Variants in LEF1 observed in about 807,000 individuals in gnomAD.
LEF1 encodes lymphoid enhancer binding factor 1, also known as lymphoid enhancer-binding factor 1.
Under a neutral mutation model 51.2 loss-of-function variants are expected in LEF1, and 14 were observed. The ratio of observed to expected loss-of-function variants is 0.27; its 90% CI spans 0.18 to 0.43. The LOEUF (loss-of-function observed/expected upper bound fraction) is 0.43, where lower values mean the gene tolerates loss of function less well. Among genes scored for constraint, LEF1 ranks in the 20% least tolerant of loss-of-function variants. LEF1 has a pLI of 1.00. For synonymous variants in LEF1, 185 were observed against 183.2 expected (o/e 1.01, Z -0.08); for missense variants, 386 against 512.0 (o/e 0.75, Z 2.37).
rs1737618382 is a variant in LEF1 at position 108,060,634 on chromosome 4, G to T, written c.*6+2989C>A. On this transcript the variant is annotated intron_variant, in intron 11 of 11. Transcript: ENST00000265165. Reference sequence around the variant, plus strand: ...CCTCCATTTTTCTGTAATAACGGTGGTTATTTCTAAGTGCCACCTCCTCGG... The same window carrying T: ...CCTCCATTTTTCTGTAATAACGGTGTTTATTTCTAAGTGCCACCTCCTCGG... Among the ~76,000 whole-genome samples, 2 of 152,060 alleles carry T rather than the reference G, an allele frequency of 1.3e-5. 1 individual carries two copies. The highest frequency in any genetic ancestry group is 4.1e-4 in the South Asian group (2 of 4,822).
chr4:108,088,373 C>A (rs531693598), intron 4 of LEF1, among the ~76,000 whole-genome samples: 1 of 152,200 alleles, frequency 6.6e-6, no homozygotes, highest in Non-Finnish European at 1.5e-5. Context: ...AGTCCAAGTG[C>A]GCATGTGCAT....
intron 3 of LEF1, among the ~76,000 whole-genome samples, chr4:108,138,238 A>G (rs1401726388): frequency 1.3e-5 from 2 of 152,240 alleles, no homozygotes; most frequent in Non-Finnish European, 2.9e-5. Flanking sequence ...TCAAAAGGTC[A>G]GTAATGAAAT....
intron 3 of LEF1, among the ~76,000 whole-genome samples, chr4:108,141,591 T>C (rs1205086439): frequency 2.6e-5 from 4 of 152,178 alleles, no homozygotes; most frequent in Non-Finnish European, 4.4e-5. Context: ...CTTTTTTCAA[T>C]GCAAGCGAGT....
chr4:108,067,738 C>T (rs1188223344), intron 9 of LEF1, among the ~76,000 whole-genome samples: 2 of 151,328 alleles, frequency 1.3e-5, no homozygotes, highest in African/African-American at 4.9e-5. Flanking sequence ...CCATGTTGGT[C>T]AGCCTGGTCT....
intron 3 of LEF1, among the ~76,000 whole-genome samples, chr4:108,148,402 A>T (rs1560823840): frequency 6.6e-6 from 1 of 152,198 alleles, no homozygotes; most frequent in Admixed American, 6.5e-5. Flanking sequence ...AACTGAAAGC[A>T]GGTAAAGAAT....
chr4:108,058,809 C>G (rs1003544098), intron 11 of LEF1, among the ~76,000 whole-genome samples: 4 of 152,356 alleles, frequency 2.6e-5, no homozygotes, highest in African/African-American at 7.2e-5. Flanking sequence ...CACCGCCTAA[C>G]AGGATTCGTG....
chr4:108,139,795 C>CT (rs1014671564), intron 3 of LEF1, among the ~76,000 whole-genome samples: 27 of 151,808 alleles, frequency 1.8e-4, no homozygotes, highest in African/African-American at 6.0e-4. Context: ...AAATGTAAGG[C>CT]TTTTTTTTCA....
rs75457851 is a variant in LEF1, at chr4:108,152,942, G to A, written c.414+10626C>T. 6.1e-4 allele frequency among the ~76,000 whole-genome samples: 93 copies of A among 152,308 alleles called. 1 individual carries two copies. In the East Asian group the frequency reaches 0.015, roughly 25 times the overall value. On this transcript the variant is annotated intron_variant, in intron 3 of 11. Transcript: ENST00000265165. ...ACTCCAACAGCAGTGCTTTGCTGCT[G>A]CTCTCTTTTATTTACTCATTTATTT... is the stretch of plus-strand genomic sequence containing the variant.
At chr4:108,101,283 T>C (rs1740803472) in intron 3 of LEF1, among the ~76,000 whole-genome samples, 1 of 152,202 alleles carries the variant, frequency 6.6e-6, no homozygotes, top group African/African-American at 2.4e-5. Context: ...GAATAATTAA[T>C]GCAGCTTTCG....
intron 3 of LEF1, among the ~76,000 whole-genome samples, chr4:108,146,211 T>A (rs1183371013): frequency 6.6e-6 from 1 of 152,202 alleles, no homozygotes; most frequent in African/African-American, 2.4e-5. Context: ...AAACACTAAA[T>A]GTTTGCTCAT....
intron 11 of LEF1, among the ~76,000 whole-genome samples, chr4:108,051,009 G>A (rs1412882672): frequency 6.6e-6 from 1 of 152,200 alleles, no homozygotes; most frequent in Non-Finnish European, 1.5e-5. Context: ...GAGTACAAGT[G>A]ATAATATAGT....
intron 3 of LEF1, among the ~76,000 whole-genome samples, chr4:108,098,557 T>TAA (rs1740540214): frequency 1.3e-5 from 2 of 152,226 alleles, no homozygotes; most frequent in Non-Finnish European, 2.9e-5. Context: ...TATTTTAGTT[T>TAA]AAGTAAAACT....
chr4:108,133,705 T>C (rs1743051135), intron 3 of LEF1, among the ~76,000 whole-genome samples: 2 of 152,180 alleles, frequency 1.3e-5, no homozygotes, highest in Admixed American at 6.5e-5. Flanking sequence ...AATGCGGGGT[T>C]GGGACGGACT....
intron 3 of LEF1, among the ~76,000 whole-genome samples, chr4:108,106,302 T>C (rs1272771944): frequency 6.6e-6 from 1 of 152,140 alleles, no homozygotes; most frequent in Non-Finnish European, 1.5e-5. Context: ...ACACCTATAA[T>C]GTGTAATGTT....
intron 3 of LEF1, among the ~76,000 whole-genome samples, chr4:108,110,729 G>A (rs1342676318): frequency 3.3e-5 from 5 of 152,224 alleles, no homozygotes; most frequent in Admixed American, 6.5e-5. Context: ...TGACTTAACC[G>A]CTGCTTCCTC....
At chr4:108,151,815 C>T (rs1257586766) in intron 3 of LEF1, among the ~76,000 whole-genome samples, 2 of 152,138 alleles carry the variant, frequency 1.3e-5, no homozygotes, top group Admixed American at 6.5e-5. Context: ...TTTGGCTTTG[C>T]GATTCCATAC....
intron 3 of LEF1, among the ~76,000 whole-genome samples, chr4:108,111,301 T>C (rs1216878355): frequency 6.6e-6 from 1 of 152,206 alleles, no homozygotes; most frequent in African/African-American, 2.4e-5. Context: ...AGATGCATTA[T>C]TATCCTGATT....
chr4:108,126,964 G>A (rs1742584629), intron 3 of LEF1, among the ~76,000 whole-genome samples: 1 of 152,032 alleles, frequency 6.6e-6, no homozygotes, highest in Non-Finnish European at 1.5e-5. Flanking sequence ...AATCTAATGA[G>A]GGGGATGAGA....
chr4:108,136,907 T>C lies in LEF1; in HGVS notation c.414+26661A>G, dbSNP rs866856063. Among the ~76,000 whole-genome samples the C allele has an allele frequency of 9.5e-4, 144 of 152,304 alleles. 1 individual carries two copies. Among genetic ancestry groups the C allele is most frequent in the African/African-American group, 3.3e-3 (138 of 41,586 alleles). ...AATAGCTACCAATAAGGGCTCTAAG[T>C]CTTCCTTTAAAATTCTGAGAGGTTG... On this transcript the variant is annotated intron_variant, in intron 3 of 11. Transcript: ENST00000265165.
Sources: allele counts gnomAD v4.1 joint callset (sites outside exome capture counted in the v4.1 genomes callset), GRCh38; gene constraint gnomAD v4.1.1; transcripts MANE v1.5; gene names NCBI Gene and HGNC (gene_info 2026-07-23, HGNC 2026-07-21).